The following VTA1 variants were observed in gnomAD, a reference collection of about 807,000 sequenced individuals.
VTA1 encodes the protein vacuolar protein sorting-associated protein VTA1 homolog.
A neutral mutation model predicts 36.9 loss-of-function variants in VTA1; 24 were observed. The observed-to-expected ratio is 0.65, with a 90% confidence interval of 0.47 to 0.91. The LOEUF is 0.91. Among genes scored for constraint, VTA1 ranks in the 40% least tolerant of loss-of-function variants. VTA1 has a pLI of 0.00. For synonymous variants in VTA1, 142 were observed against 130.2 expected, an observed-to-expected ratio of 1.09 and a Z score of -0.62; for missense variants, 393 against 377.2, an observed-to-expected ratio of 1.04 and a Z score of -0.35.
intron 7 of VTA1, among the ~76,000 whole-genome samples, chr6:142,211,635 C>T (rs776579285): frequency 2.0e-5 from 3 of 149,914 alleles, no homozygotes; most frequent in African/African-American, 4.9e-5. Context: ...GGCATGAACA[C>T]GGGAGGCAGA....
intron 1 of VTA1, among the ~76,000 whole-genome samples, chr6:142,163,228 TTCCAAGGTTGCTTTGTAG>T (rs1464166510): frequency 6.6e-6 from 1 of 152,048 alleles, no homozygotes; most frequent in Non-Finnish European, 1.5e-5. Flanking sequence ...GCCAGCACAC[TTCCAAGGTTGCTTTGTAG>T]CCCAAGATAG....
chr6:142,162,745 T>G (rs1774834298), intron 1 of VTA1, among the ~76,000 whole-genome samples: 1 of 152,054 alleles, frequency 6.6e-6, no homozygotes, highest in South Asian at 2.1e-4. Context: ...AAGGAGATAG[T>G]AAAATAAAGT....
At chr6:142,155,441 T>A (rs753748473) in intron 1 of VTA1, among the ~76,000 whole-genome samples, 4 of 152,218 alleles carry the variant, frequency 2.6e-5, no homozygotes, top group Non-Finnish European at 5.9e-5. Flanking sequence ...AAGTAAATTA[T>A]GTTATATCCA....
chr6:142,168,341 T>C (rs1021167169), intron 2 of VTA1, among the ~76,000 whole-genome samples: 1 of 152,136 alleles, frequency 6.6e-6, no homozygotes, highest in African/African-American at 2.4e-5. Flanking sequence ...ATTAAATCTT[T>C]TCTGGACCAT....
At position 142,203,973 on chromosome 6, in the gene VTA1, T is replaced by C; in HGVS notation, c.698-12T>C. 6.2e-7 allele frequency: 1 copy of C among 1,612,518 alleles called. No homozygotes were observed. The highest frequency in any genetic ancestry group is 8.5e-7 in the Non-Finnish European group (1 of 1,178,914). ...ATACTTCTATGCCCATTTTTGCTTT[T>C]CTGATTTGCAGGTGTAGCAAGTAAT... On this transcript the variant is annotated splice_polypyrimidine_tract_variant and intron_variant, in intron 6 of 7. Coordinates refer to ENST00000367630, the MANE Select transcript of VTA1 (RefSeq NM_016485.5).
At position 142,221,812 on chromosome 6, in the gene VTA1, A is replaced by AAT. The variant is rs1206823953; in HGVS notation, c.*3178_*3179dup. On this transcript the variant is annotated 3_prime_UTR_variant, in exon 8 of 8. Transcript: ENST00000367630. ...ATCATAAATATATTAATAAATATAT[A>AAT]ATATATATATTAGCCTGGCATGGTG... 2.7e-5 allele frequency: 4 copies of AAT among 148,076 alleles called. No individual in the cohort carries two copies. Among genetic ancestry groups the AAT allele is most frequent in the Non-Finnish European group, 4.5e-5 (3 of 67,238 alleles). 9.2% of individuals were successfully genotyped at this position (148,076 alleles called of 1,614,324 possible).
intron 5 of VTA1, among the ~76,000 whole-genome samples, 157 bp from the exon 6 acceptor site, chr6:142,198,282 T>C (rs1302402695): frequency 6.6e-6 from 1 of 151,906 alleles, no homozygotes. Context: ...AATAAAAAAA[T>C]TAAAAATATT....
chr6:142,206,750 A>G (rs567297771), intron 7 of VTA1, among the ~76,000 whole-genome samples: 2 of 152,334 alleles, frequency 1.3e-5, no homozygotes, highest in African/African-American at 4.8e-5. Context: ...GAACAGACAA[A>G]TAGATCAGTG....
At chr6:142,154,640 C>T (rs998855181) in intron 1 of VTA1, among the ~76,000 whole-genome samples, 2 of 152,068 alleles carry the variant, frequency 1.3e-5, no homozygotes, top group Admixed American at 6.5e-5. Flanking sequence ...CATTTTGTGT[C>T]ACTATTTTTA....
chr6:142,196,566 T>G (rs1360537389), intron 5 of VTA1, among the ~76,000 whole-genome samples: 1 of 151,852 alleles, frequency 6.6e-6, no homozygotes, highest in Non-Finnish European at 1.5e-5. Flanking sequence ...ATACCATCTG[T>G]TTTTTTTCTC....
rs7752441 is a variant in VTA1, at chr6:142,197,658, C to T, written c.521-781C>T. Reference sequence around the variant, plus strand: ...ACAGATAATCATTTAGTAGCTAGTACGCGGTAAATCTTAAGTAAAAGTCCG... The same window carrying T: ...ACAGATAATCATTTAGTAGCTAGTATGCGGTAAATCTTAAGTAAAAGTCCG... On this transcript the variant is annotated intron_variant, in intron 5 of 7. Coordinates refer to ENST00000367630, the MANE Select transcript of VTA1 (RefSeq NM_016485.5). 1.5e-3 allele frequency among the ~76,000 whole-genome samples: 234 copies of T among 152,178 alleles called. 1 individual carries two copies. Among genetic ancestry groups the T allele is most frequent in the African/African-American group, 5.2e-3 (217 of 41,530 alleles).
chr6:142,149,390 T>C (rs181039944), intron 1 of VTA1, among the ~76,000 whole-genome samples: 13 of 152,378 alleles, frequency 8.5e-5, no homozygotes, highest in Admixed American at 7.8e-4. Context: ...CTAATATGCC[T>C]ATCACATTTG....
intron 6 of VTA1, 22 bp from the exon 7 acceptor site, chr6:142,203,963 T>C (rs752867906): frequency 1.3e-5 from 21 of 1,606,056 alleles, no homozygotes; most frequent in Non-Finnish European, 1.8e-5. Context: ...TCTATGCCCA[T>C]TTTTGCTTTT....
chr6:142,190,704 A>G (rs978610956), intron 5 of VTA1, among the ~76,000 whole-genome samples: 1 of 152,238 alleles, frequency 6.6e-6, no homozygotes, highest in Non-Finnish European at 1.5e-5. Context: ...TGCATTTGTG[A>G]AGATAATTAT....
rs555053175 is a variant in VTA1 at position 142,214,037 on chromosome 6, C to T, written c.779-4461C>T. Among the ~76,000 whole-genome samples, 201 of 152,184 alleles carry T rather than the reference C, an allele frequency of 1.3e-3. 1 individual carries two copies. Among genetic ancestry groups the T allele is most frequent in the Middle Eastern group, 6.8e-3 (2 of 294 alleles). On this transcript the variant is annotated intron_variant, in intron 7 of 7. Coordinates refer to ENST00000367630, the MANE Select transcript of VTA1 (RefSeq NM_016485.5). ...ACCACATGATCAGGCTGCAAATTTTCCATACTTTTATGCTCTGCTTTTTAA... is the reference window on the plus strand; with the variant it reads ...ACCACATGATCAGGCTGCAAATTTTTCATACTTTTATGCTCTGCTTTTTAA...
chr6:142,215,513 T>C (rs1034295824), intron 7 of VTA1, among the ~76,000 whole-genome samples: 1 of 152,114 alleles, frequency 6.6e-6, no homozygotes, highest in African/African-American at 2.4e-5. Flanking sequence ...CTTGACATAA[T>C]GAAATTCTGC....
At chr6:142,210,010 A>C (rs1383480659) in intron 7 of VTA1, among the ~76,000 whole-genome samples, 1 of 152,212 alleles carries the variant, frequency 6.6e-6, no homozygotes, top group Non-Finnish European at 1.5e-5. Context: ...ATGTGACTTC[A>C]AAATTTACTA....
intron 6 of VTA1, among the ~76,000 whole-genome samples, chr6:142,201,063 T>A (rs1050291655): frequency 1.3e-5 from 2 of 151,928 alleles, no homozygotes; most frequent in African/African-American, 2.4e-5. Flanking sequence ...ATGTGCCTTC[T>A]ATGTTCCTTC....
chr6:142,182,453 A>T (rs1775260203), intron 4 of VTA1, among the ~76,000 whole-genome samples: 1 of 152,220 alleles, frequency 6.6e-6, no homozygotes, highest in African/African-American at 2.4e-5. Flanking sequence ...ACTCATTAGT[A>T]TGTTATTAAA....
Sources: allele counts gnomAD v4.1 joint callset (sites outside exome capture counted in the v4.1 genomes callset), GRCh38; gene constraint gnomAD v4.1.1; transcripts MANE v1.5; gene names NCBI Gene and HGNC (gene_info 2026-07-23, HGNC 2026-07-21).